UGT1A9: variants seen among roughly 807,000 people sequenced by gnomAD.
The protein encoded by UGT1A9 is UDP glucuronosyltransferase family 1 member A9.
In UGT1A9, 35 loss-of-function variants were observed where a neutral mutation model predicts 45.0. That is an observed-to-expected ratio of 0.78 (90% CI 0.59 to 1.03). The LOEUF is 1.03. Ranked by LOEUF, UGT1A9 falls within the 50% of genes least tolerant of loss-of-function variation. The probability of loss-of-function intolerance (pLI) is 0.00; values close to 1 mark genes in which losing one functional copy is unlikely to be tolerated. For synonymous variants in UGT1A9, 278 were observed against 250.6 expected, an observed-to-expected ratio of 1.11 and a Z score of -1.03; for missense variants, 687 against 666.6, an observed-to-expected ratio of 1.03 and a Z score of -0.34.
At chr2:233,748,450 A>G (rs1693947199) in intron 1 of UGT1A9, among the ~76,000 whole-genome samples, 1 of 151,796 alleles carries the variant, frequency 6.6e-6, no homozygotes, top group South Asian at 2.1e-4. Flanking sequence ...CACAATTTTC[A>G]GGGGAAAGAT....
chr2:233,749,977 G>A (rs2221198), intron 1 of UGT1A9, among the ~76,000 whole-genome samples: 68,794 of 151,608 alleles, frequency 0.45, 16,248 homozygotes, highest in South Asian at 0.58. Flanking sequence ...ATAGCAGTGT[G>A]AGAATGGACT....
rs556044106 is a variant in UGT1A9, at chr2:233,743,839, C to T, written c.856-23195C>T. ...TTTTGTCGGGGTGCCACTTGAGCGC[C>T]AGCTTGCGGTACGCCTTCTTGATGG... On this transcript the variant is annotated intron_variant, in intron 1 of 4. Coordinates refer to ENST00000354728, the MANE Select transcript of UGT1A9 (RefSeq NM_021027.3). 3 of 1,367,286 alleles carry T rather than the reference C, an allele frequency of 2.2e-6. No individual in the cohort carries two copies. In the South Asian group the frequency reaches 3.4e-5, roughly 16 times the overall value. 84.7% of individuals were successfully genotyped at this position (1,367,286 alleles called of 1,614,324 possible).
At position 233,749,056 on chromosome 2, in the gene UGT1A9, A is replaced by T. The variant is rs140417619; in HGVS notation, c.856-17978A>T. Among the ~76,000 whole-genome samples, 122 of 151,804 alleles carry T rather than the reference A, an allele frequency of 8.0e-4. 1 individual carries two copies. Among genetic ancestry groups the T allele is most frequent in the African/African-American group, 2.8e-3 (116 of 41,130 alleles). On this transcript the variant is annotated intron_variant, in intron 1 of 4. Transcript: ENST00000354728. ...CATTGATGTGGTACTCTGGGACCTG[A>T]ATATTGTTTCTTATTCCTTGGTGTG... is the stretch of plus-strand genomic sequence containing the variant.
chr2:233,755,103 A>G, intron 1 of UGT1A9: 1 of 1,335,002 alleles, frequency 7.5e-7, no homozygotes, highest in Non-Finnish European at 1.0e-6. Flanking sequence ...CGCGTCCGAC[A>G]ACACCTCGTA....
At position 233,672,226 on chromosome 2, in the gene UGT1A9, T is replaced by C. The variant is rs1368031300; in HGVS notation, c.292T>C (p.Trp98Arg). 3 of 1,614,100 alleles carry C rather than the reference T, an allele frequency of 1.9e-6. No homozygotes were observed. Among genetic ancestry groups the C allele is most frequent in the African/African-American group, 1.3e-5 (1 of 75,058 alleles). Residue 98 changes from tryptophan (W) to arginine (R), a missense_variant, in exon 1 of 5, where the codon TGG (tryptophan) becomes CGG (arginine). By Grantham distance (101) the Trp-to-Arg change is moderately radical. Transcript: ENST00000354728. ...GTTCAAGGCTTTTGCCCATGCTCAA[T>C]GGAAAGCACAAGTACGAAGTATATA... Reference protein sequence around the residue: ...REFKAFAHAQWKAQVRSIYSL... With the variant: ...REFKAFAHAQRKAQVRSIYSL...
At chr2:233,700,676 GTGATAATATATAAACTACAC>G (rs1157026955) in intron 1 of UGT1A9, among the ~76,000 whole-genome samples, 23 of 151,838 alleles carry the variant, frequency 1.5e-4, no homozygotes, top group Middle Eastern at 3.4e-3. Flanking sequence ...GCACAAATTC[GTGATAATATATAAACTACAC>G]TTTGAATGTT....
At chr2:233,747,140 A>G (rs1693571344) in intron 1 of UGT1A9, 1 of 1,552,350 alleles carries the variant, frequency 6.4e-7, no homozygotes, top group Admixed American at 1.8e-5. Context: ...GTGACAAGGT[A>G]ATTAAGATGA....
At position 233,772,427 on chromosome 2, in the gene UGT1A9, C is replaced by A; in HGVS notation, c.1461C>A (p.Asp487Glu). The A allele has an allele frequency of 1.2e-6, 2 of 1,614,222 alleles. No individual in the cohort carries two copies. The highest frequency in any genetic ancestry group is 1.7e-6 in the Non-Finnish European group (2 of 1,180,048). ...CCTGGTACCAGTACCATTCCTTGGA[C>A]GTGATTGGTTTCCTCTTGGCCGTCG... is the stretch of plus-strand genomic sequence containing the variant. ...DLTWYQYHSL[D>E]VIGFLLAVVL... Residue 487 changes from aspartate to glutamate, a missense_variant, in exon 5 of 5, where the codon GAC becomes GAA. Physicochemically the swap from Asp to Glu is conservative, Grantham distance 45 (BLOSUM62 2). Transcript: ENST00000354728.
chr2:233,748,176 TG>T, intron 1 of UGT1A9: 1 of 1,583,506 alleles, frequency 6.3e-7, no homozygotes, highest in East Asian at 2.2e-5. Flanking sequence ...CTTATCTTTC[TG>T]GTGCTTTTAT....
chr2:233,701,190 G>A (rs1433318718), intron 1 of UGT1A9, among the ~76,000 whole-genome samples: 3 of 152,170 alleles, frequency 2.0e-5, no homozygotes, highest in Non-Finnish European at 4.4e-5. Context: ...ACATGTGCAT[G>A]TGTCTTTATA....
chr2:233,726,932 C>A (rs1467688667), intron 1 of UGT1A9, among the ~76,000 whole-genome samples: 1 of 151,974 alleles, frequency 6.6e-6, no homozygotes, highest in East Asian at 1.9e-4. Flanking sequence ...TTCCTTTTTT[C>A]ATTTTTAAAA....
chr2:233,770,117 C>T (rs1700019979), intron 4 of UGT1A9: 1 of 152,326 alleles, frequency 6.6e-6, no homozygotes, highest in Non-Finnish European at 1.5e-5. Context: ...CTAAGAACAA[C>T]TTGGTGAAAG....
intron 1 of UGT1A9, chr2:233,743,791 C>G: frequency 7.3e-7 from 1 of 1,367,342 alleles, no homozygotes; most frequent in Non-Finnish European, 9.8e-7. Flanking sequence ...ATCTCCTCTC[C>G]GCTTCCTCCT....
intron 1 of UGT1A9, among the ~76,000 whole-genome samples, chr2:233,757,676 T>A (rs986940319): frequency 2.0e-5 from 3 of 151,088 alleles, no homozygotes; most frequent in African/African-American, 7.3e-5. Flanking sequence ...ATTCAAGGAA[T>A]TCAAGGGATT....
In UGT1A9 at chr2:233,745,292, C is replaced by T. The variant is rs13426130; in HGVS notation, c.856-21742C>T. On this transcript the variant is annotated intron_variant, in intron 1 of 4. Transcript: ENST00000354728. ...CCGTGTGTATAGCACTGGGGATAAA[C>T]GTGGGATGCAGTGATTATTTCCACT... 9.4e-3 allele frequency among the ~76,000 whole-genome samples: 1,433 copies of T among 151,880 alleles called. 51 individuals carry two copies. The highest frequency in any genetic ancestry group is 0.033 in the African/African-American group (1,366 of 41,200).
chr2:233,703,391 T>C (rs552100359), intron 1 of UGT1A9, among the ~76,000 whole-genome samples: 30 of 152,276 alleles, frequency 2.0e-4, no homozygotes, highest in East Asian at 9.6e-4. Context: ...TATTTTCAAA[T>C]AAACAATTTT....
rs1047777533 is a variant in UGT1A9 at position 233,760,225 on chromosome 2, G to T, written c.856-6809G>T. ...AAACATTAACTTGGTGTATCGATTG[G>T]TTTTTGCCATATATATATATATAAG... On this transcript the variant is annotated intron_variant, in intron 1 of 4. Coordinates refer to ENST00000354728, the MANE Select transcript of UGT1A9 (RefSeq NM_021027.3). 3.2e-6 allele frequency: 5 copies of T among 1,585,120 alleles called. No individual in the cohort carries two copies. The African/African-American group carries it at 4.5e-5, about 14-fold the overall frequency.
At position 233,726,141 on chromosome 2, in the gene UGT1A9, G is replaced by A. The variant is rs1025600360; in HGVS notation, c.856-40893G>A. On this transcript the variant is annotated intron_variant, in intron 1 of 4. Transcript: ENST00000354728. The stretch of plus-strand genomic sequence containing the variant: ...TGTTCACACCACCTCACTCCAGCCC[G>A]AGTGACAGAGTGAGGCCCCATTTCA... Among the ~76,000 whole-genome samples the A allele has an allele frequency of 5.9e-5, 9 of 152,188 alleles. No individual in the cohort carries two copies. The East Asian group carries it at 7.7e-4, about 13-fold the overall frequency.
Position 233,772,833 on chromosome 2 carries a change from T to A in UGT1A9, c.*274T>A. The A allele has an allele frequency of 1.1e-6, 1 of 879,514 alleles. No homozygotes were observed. Among genetic ancestry groups the A allele is most frequent in the Non-Finnish European group, 1.6e-6 (1 of 630,664 alleles). The allele number at this position is 879,514 out of a possible 1,614,324, so 54.5% of individuals were successfully genotyped here. A position where few individuals can be genotyped will look rare whatever the true frequency, so the allele number is the denominator to read the frequency against. ...AGGACGTGCAGACAGGCTGGCATTC[T>A]AGATTACTTTTCTTACTCTGAAACA... On this transcript the variant is annotated 3_prime_UTR_variant, in exon 5 of 5. Coordinates refer to ENST00000354728, the MANE Select transcript of UGT1A9 (RefSeq NM_021027.3).
Sources: allele counts gnomAD v4.1 joint callset (sites outside exome capture counted in the v4.1 genomes callset), GRCh38; gene constraint gnomAD v4.1.1; transcripts MANE v1.5; gene names NCBI Gene and HGNC (gene_info 2026-07-23, HGNC 2026-07-21).